GBP5: variants seen among roughly 807,000 people sequenced by gnomAD.
GBP5 encodes guanylate binding protein 5.
A neutral mutation model predicts 58.2 loss-of-function variants in GBP5; 48 were observed. That is an observed-to-expected ratio of 0.83 (90% CI 0.65 to 1.05). The LOEUF is 1.05. Among genes scored for constraint, GBP5 ranks in the 50% least tolerant of loss-of-function variants. GBP5 has a pLI of 0.00. For missense variants in GBP5, 714 were observed against 686.8 expected, an observed-to-expected ratio of 1.04 and a Z score of -0.44; for synonymous variants, 248 against 251.8, an observed-to-expected ratio of 0.98 and a Z score of 0.14.
At chr1:89,265,992 G>A (rs1031349122) in intron 7 of GBP5, among the ~76,000 whole-genome samples, 2 of 152,168 alleles carry the variant, frequency 1.3e-5, no homozygotes, top group African/African-American at 4.8e-5. Flanking sequence ...CTTATACAGG[G>A]AACATATATG....
rs746105643 is a variant in GBP5 at position 89,264,673 on chromosome 1, A to G, written c.1149+13T>C. The G allele has an allele frequency of 1.2e-6, 2 of 1,609,474 alleles. No homozygotes were observed. Among genetic ancestry groups the G allele is most frequent in the African/African-American group, 2.7e-5 (2 of 74,740 alleles). On this transcript the variant is annotated intron_variant, in intron 8 of 11. Coordinates refer to ENST00000370459, the MANE Select transcript of GBP5 (RefSeq NM_052942.5). ...TGACCTTAATCCCCATGAACTAGAAACAAAAATATCACCTCCAATTCTTTC... is the reference window on the plus strand; with the variant it reads ...TGACCTTAATCCCCATGAACTAGAAGCAAAAATATCACCTCCAATTCTTTC...
At position 89,266,938 on chromosome 1, in the gene GBP5, A is replaced by T. The variant is rs758199949; in HGVS notation, c.625+19T>A. On this transcript the variant is annotated intron_variant, in intron 6 of 11. Transcript: ENST00000370459. ...GATTACTTTTTTAAAAATCTTTCTA[A>T]AACTGAAGTCCCTGTTACCTTGCTT... 6.5e-7 allele frequency: 1 copy of T among 1,542,092 alleles called. No individual in the cohort carries two copies. Among genetic ancestry groups the T allele is most frequent in the East Asian group, 2.4e-5 (1 of 42,464 alleles).
At position 89,269,402 on chromosome 1, in the gene GBP5, A is replaced by G. The variant is rs144226397; in HGVS notation, c.154T>C (p.Ser52Pro). 500 of 1,614,088 alleles carry G rather than the reference A, an allele frequency of 3.1e-4. No individual in the cohort carries two copies. The African/African-American group carries it at 5.7e-3, about 18-fold the overall frequency. Reference sequence around the variant, plus strand: ...CCAGCCAGCTTGTTCATCAGGTAGGATTTGCCAGTGCGATAGAGGCCCACA... The same window carrying G: ...CCAGCCAGCTTGTTCATCAGGTAGGGTTTGCCAGTGCGATAGAGGCCCACA... ...AIVGLYRTGK[S>P]YLMNKLAGKN... is the part of the protein sequence containing the mutation. Residue 52 changes from serine to proline, a missense_variant, in exon 3 of 12, where the codon TCC (serine) becomes CCC (proline). By Grantham distance (74) the Ser-to-Pro change is moderately conservative. Transcript: ENST00000370459.
chr1:89,264,751 C>T lies in GBP5; in HGVS notation c.1084G>A (p.Ala362Thr), dbSNP rs756361837. Residue 362 changes from alanine (A) to threonine (T), a missense_variant, in exon 8 of 12, where the codon GCC becomes ACC. By Grantham distance (58) the Ala-to-Thr change is moderately conservative. Transcript: ENST00000370459. ...LDLHRTSEREAIEVFMKNSFK... is the reference protein window; with the variant it reads ...LDLHRTSERETIEVFMKNSFK... ...GAGTTTTTCATGAAGACTTCAATGG[C>T]CTCCCTCTCACTGGTCCTGTGCAGG... 1.2e-6 allele frequency: 2 copies of T among 1,614,152 alleles called. No homozygotes were observed. Among genetic ancestry groups the T allele is most frequent in the Non-Finnish European group, 1.7e-6 (2 of 1,180,018 alleles).
rs927032590 is a variant in GBP5, at chr1:89,263,586, T to G, written c.1362+150A>C. 5.6e-5 allele frequency: 33 copies of G among 585,496 alleles called. 1 individual carries two copies. In the East Asian group the frequency reaches 8.7e-4, roughly 16 times the overall value. The allele number at this position is 585,496 out of a possible 1,614,324, so 36.3% of individuals were successfully genotyped here. A position where few individuals can be genotyped will look rare whatever the true frequency, so the allele number is the denominator to read the frequency against. ...ACACCAACACCAGGCACATTGTTTTTCCATAAATGCTTATTCAAGAAAAGG... is the reference window on the plus strand; with the variant it reads ...ACACCAACACCAGGCACATTGTTTTGCCATAAATGCTTATTCAAGAAAAGG... On this transcript the variant is annotated intron_variant, in intron 9 of 11. Transcript: ENST00000370459.
intron 11 of GBP5, 139 bp from the exon 12 acceptor site, chr1:89,260,956 A>G: frequency 3.3e-6 from 2 of 608,818 alleles, no homozygotes; most frequent in Admixed American, 2.7e-5. Context: ...CATCTAACCT[A>G]TTTCTGTAAT....
rs1356488374 is a variant in GBP5, at chr1:89,258,902, TTCTC to T, written c.*1798_*1801del. The T allele has an allele frequency of 6.6e-6, 1 of 152,176 alleles. No individual in the cohort carries two copies. Among genetic ancestry groups the T allele is most frequent in the East Asian group, 1.9e-4 (1 of 5,204 alleles). The allele number at this position is 152,176 out of a possible 1,614,324, so 9.4% of individuals were successfully genotyped here. ...TAATCTCCTTAGGGAAATTCAGTCT[TTCTC>T]TATAGACTTTTAACTTTGAGAAAAA... On this transcript the variant is annotated 3_prime_UTR_variant, in exon 12 of 12. Coordinates refer to ENST00000370459, the MANE Select transcript of GBP5 (RefSeq NM_052942.5).
chr1:89,258,987 T>C lies in GBP5; in HGVS notation c.*1717A>G, dbSNP rs1017893232. On this transcript the variant is annotated 3_prime_UTR_variant, in exon 12 of 12. Coordinates refer to ENST00000370459, the MANE Select transcript of GBP5 (RefSeq NM_052942.5). ...CAAAAATGTTTTTATGGTTAAAATCTGTACAAACAGATATATTTATATAAG... is the reference window on the plus strand; with the variant it reads ...CAAAAATGTTTTTATGGTTAAAATCCGTACAAACAGATATATTTATATAAG... 1 of 152,278 alleles carries C rather than the reference T, an allele frequency of 6.6e-6. No individual in the cohort carries two copies. The highest frequency in any genetic ancestry group is 1.5e-5 in the Non-Finnish European group (1 of 67,998). 9.4% of individuals were successfully genotyped at this position (152,278 alleles called of 1,614,324 possible). A position where few individuals can be genotyped will look rare whatever the true frequency, so the allele number is the denominator to read the frequency against.
intron 7 of GBP5, among the ~76,000 whole-genome samples, chr1:89,265,404 G>A (rs1650168607): frequency 6.6e-6 from 1 of 150,664 alleles, no homozygotes; most frequent in Non-Finnish European, 1.5e-5. Flanking sequence ...TAAGTTCTAG[G>A]ATACAGAATT....
rs1313430681 is a variant in GBP5, at chr1:89,266,600, A to G, written c.626-12T>C. 2 of 1,601,968 alleles carry G rather than the reference A, an allele frequency of 1.2e-6. No individual in the cohort carries two copies. Among genetic ancestry groups the G allele is most frequent in the East Asian group, 2.2e-5 (1 of 44,814 alleles). ...TCTTTGATCACTACCTGGAGAATAA[A>G]AAATAGGATTTATTTAGCATAGACT... On this transcript the variant is annotated splice_polypyrimidine_tract_variant and intron_variant, in intron 6 of 11. Coordinates refer to ENST00000370459, the MANE Select transcript of GBP5 (RefSeq NM_052942.5).
At chr1:89,269,601 G>T in intron 2 of GBP5, 27 bp from the exon 3 acceptor site, 1 of 1,470,540 alleles carries the variant, frequency 6.8e-7, no homozygotes, top group South Asian at 1.2e-5. Context: ...GGGATAGGCT[G>T]GAATTTCTGG....
chr1:89,265,868 A>G (rs976781402), intron 7 of GBP5, among the ~76,000 whole-genome samples: 1 of 152,154 alleles, frequency 6.6e-6, no homozygotes, highest in Non-Finnish European at 1.5e-5. Flanking sequence ...ATAATGTAGC[A>G]ATTATTTACA....
In GBP5 at chr1:89,272,442, C is replaced by G. The variant is rs1650495205; in HGVS notation, c.-128+10G>C. ...TTGCAAATCTCTTCCACCTCTTGCC[C>G]CAGTCTTACCGTGTCCGGAATTGGT... On this transcript the variant is annotated intron_variant, in intron 1 of 11. Transcript: ENST00000370459. 6.0e-6 allele frequency: 1 copy of G among 166,076 alleles called. No individual in the cohort carries two copies. The highest frequency in any genetic ancestry group is 6.4e-5 in the Admixed American group (1 of 15,508). The allele number at this position is 166,076 out of a possible 1,614,324, so 10.3% of individuals were successfully genotyped here.
In GBP5 at chr1:89,267,430, T is replaced by A. The variant is rs757583365; in HGVS notation, c.415A>T (p.Ile139Phe). The A allele has an allele frequency of 1.2e-6, 2 of 1,612,182 alleles. No individual in the cohort carries two copies. The highest frequency in any genetic ancestry group is 1.7e-6 in the Non-Finnish European group (2 of 1,178,190). The change falls in exon 5 of 12, where the codon ATC becomes TTC. Residue 139 changes from isoleucine (I) to phenylalanine (F), a missense_variant. By Grantham distance (21) the Ile-to-Phe change is conservative. Coordinates refer to ENST00000370459, the MANE Select transcript of GBP5 (RefSeq NM_052942.5). Reference protein sequence around the residue: ...NTVNKIDQGAIDLLHNVTELT... With the variant: ...NTVNKIDQGAFDLLHNVTELT... ...ACAAAAGGATACTGCAGTAGGTCGATAGCACCCTGATCAATTTTGTTCACA... is the reference window on the plus strand; with the variant it reads ...ACAAAAGGATACTGCAGTAGGTCGAAAGCACCCTGATCAATTTTGTTCACA...
chr1:89,266,585 C>G lies in GBP5; in HGVS notation c.629G>C (p.Ser210Thr), dbSNP rs769936809. 1 of 1,606,186 alleles carries G rather than the reference C, an allele frequency of 6.2e-7. No individual in the cohort carries two copies. Among genetic ancestry groups the G allele is most frequent in the South Asian group, 1.1e-5 (1 of 90,026 alleles). ...ATTGAAATTTTGAACTCTTTGATCA[C>G]TACCTGGAGAATAAAAAATAGGATT... is the stretch of plus-strand genomic sequence containing the variant. Reference protein sequence around the residue: ...LENSLRPKQGSDQRVQNFNLP... With the variant: ...LENSLRPKQGTDQRVQNFNLP... Residue 210 changes from serine to threonine, a missense_variant, in exon 7 of 12, where the codon AGT becomes ACT. Coordinates refer to ENST00000370459, the MANE Select transcript of GBP5 (RefSeq NM_052942.5).
chr1:89,267,164 AT>A lies in GBP5; in HGVS notation c.429-12del, dbSNP rs746030199. ...AGTTCTGTCACATTGCTGAGATGCA[AT>A]TAAAGAAAACTGGCAGAAATAGGAC... On this transcript the variant is annotated splice_polypyrimidine_tract_variant and intron_variant, in intron 5 of 11. Coordinates refer to ENST00000370459, the MANE Select transcript of GBP5 (RefSeq NM_052942.5). The A allele has an allele frequency of 6.6e-5, 103 of 1,570,564 alleles. No homozygotes were observed. Among genetic ancestry groups the A allele is most frequent in the Middle Eastern group, 3.4e-4 (2 of 5,896 alleles).
In GBP5 at chr1:89,258,330, ATTTC is replaced by A. The variant is rs1649859262; in HGVS notation, c.*2370_*2373del. Reference sequence around the variant, plus strand: ...TTTCTGAGTCTCAGGATTTTAAAAAATTTCTTTAAGATGGGTAATAAAGATATCA... The same window carrying A: ...TTTCTGAGTCTCAGGATTTTAAAAAATTTAAGATGGGTAATAAAGATATCA... On this transcript the variant is annotated 3_prime_UTR_variant, in exon 12 of 12. Coordinates refer to ENST00000370459, the MANE Select transcript of GBP5 (RefSeq NM_052942.5). Among the ~76,000 whole-genome samples the A allele has an allele frequency of 6.6e-6, 1 of 152,228 alleles. No individual in the cohort carries two copies. The highest frequency in any genetic ancestry group is 2.4e-5 in the African/African-American group (1 of 41,464).
chr1:89,259,631 C>T lies in GBP5; in HGVS notation c.*1073G>A, dbSNP rs1441626573. The T allele has an allele frequency of 2.0e-5, 3 of 151,830 alleles. No homozygotes were observed. Among genetic ancestry groups the T allele is most frequent in the Non-Finnish European group, 4.4e-5 (3 of 67,990 alleles). The allele number at this position is 151,830 out of a possible 1,614,324, so 9.4% of individuals were successfully genotyped here. On this transcript the variant is annotated 3_prime_UTR_variant, in exon 12 of 12. Transcript: ENST00000370459. Reference sequence around the variant, plus strand: ...TGCCCCCAGAGGAATATAACAAGCCCCCTCCCCTAGCTGCCCTGCAGCTTA... The same window carrying T: ...TGCCCCCAGAGGAATATAACAAGCCTCCTCCCCTAGCTGCCCTGCAGCTTA...
chr1:89,263,061 A>G, intron 9 of GBP5: 2 of 277,072 alleles, frequency 7.2e-6, no homozygotes. Flanking sequence ...ACTAGATGCA[A>G]AGGACTTGTT....
Sources: allele counts gnomAD v4.1 joint callset (sites outside exome capture counted in the v4.1 genomes callset), GRCh38; gene constraint gnomAD v4.1.1; transcripts MANE v1.5; gene names NCBI Gene and HGNC (gene_info 2026-07-23, HGNC 2026-07-21).